The following GPR137C variants were observed in gnomAD, a reference collection of about 807,000 sequenced individuals.
GPR137C encodes the protein integral membrane protein GPR137C.
GPR137C carries 27 observed loss-of-function variants against 43.4 expected under a neutral mutation model. The ratio of observed to expected loss-of-function variants is 0.62; its 90% CI spans 0.46 to 0.86. GPR137C has a LOEUF of 0.86. Among genes scored for constraint, GPR137C ranks in the 40% least tolerant of loss-of-function variants. The pLI, the probability that GPR137C is intolerant of heterozygous loss-of-function variation, is 0.00. For missense variants in GPR137C, 522 were observed against 534.6 expected (o/e 0.98, Z 0.23); for synonymous variants, 285 against 226.9 (o/e 1.26, Z -2.30).
intron 1 of GPR137C, among the ~76,000 whole-genome samples, chr14:52,555,643 T>G (rs1383157341): frequency 3.3e-5 from 5 of 152,216 alleles, no homozygotes; most frequent in Admixed American, 3.3e-4. Flanking sequence ...GTCTTCCTGT[T>G]AAATGTTTGT....
intron 1 of GPR137C, among the ~76,000 whole-genome samples, chr14:52,596,344 C>T (rs2038854878): frequency 6.6e-6 from 1 of 152,228 alleles, no homozygotes; most frequent in Non-Finnish European, 1.5e-5. Flanking sequence ...AGAATCACTG[C>T]TCTCTTCCGA....
chr14:52,577,508 G>A (rs1404645537), intron 1 of GPR137C, among the ~76,000 whole-genome samples: 11 of 96,534 alleles, frequency 1.1e-4, no homozygotes, highest in Non-Finnish European at 2.2e-4. Flanking sequence ...GCACGCGTGC[G>A]CGCGCGCGCA....
intron 1 of GPR137C, among the ~76,000 whole-genome samples, chr14:52,562,571 C>G (rs1480166850): frequency 6.6e-6 from 1 of 151,998 alleles, no homozygotes; most frequent in African/African-American, 2.4e-5. Flanking sequence ...CAGGCCTAGG[C>G]AATGTATCGA....
chr14:52,632,084 C>G, intron 3 of GPR137C, 76 bp from the exon 4 acceptor site: 1 of 934,254 alleles, frequency 1.1e-6, no homozygotes, highest in South Asian at 1.4e-5. Context: ...AAGAGGTGAC[C>G]ATATTGTATG....
chr14:52,621,640 GGTT>G (rs2039162440), intron 3 of GPR137C, among the ~76,000 whole-genome samples: 1 of 151,724 alleles, frequency 6.6e-6, no homozygotes, highest in African/African-American at 2.4e-5. Flanking sequence ...ATAAAGGAGA[GGTT>G]GTAAATGGAT....
At chr14:52,583,899 T>C (rs2038680393) in intron 1 of GPR137C, among the ~76,000 whole-genome samples, 2 of 152,086 alleles carry the variant, frequency 1.3e-5, no homozygotes, top group Non-Finnish European at 2.9e-5. Flanking sequence ...CCCAGTAGCA[T>C]GACCACACCT....
intron 1 of GPR137C, among the ~76,000 whole-genome samples, chr14:52,556,418 C>T (rs1186545105): frequency 1.4e-5 from 2 of 142,046 alleles, no homozygotes; most frequent in African/African-American, 5.3e-5. Context: ...GGTGTCTACA[C>T]TTGAATGGAA....
At chr14:52,560,089 A>G (rs1342477274) in intron 1 of GPR137C, among the ~76,000 whole-genome samples, 6 of 152,166 alleles carry the variant, frequency 3.9e-5, no homozygotes, top group Admixed American at 3.3e-4. Context: ...TCCAGGAGAT[A>G]GAGGCTGCAG....
chr14:52,590,413 C>T (rs906748669), intron 1 of GPR137C, among the ~76,000 whole-genome samples: 1 of 152,040 alleles, frequency 6.6e-6, no homozygotes, highest in African/African-American at 2.4e-5. Flanking sequence ...ATTTATTGTT[C>T]ATTTTTAAAA....
rs192105475 is a variant in GPR137C at position 52,573,701 on chromosome 14, A to G, written c.444+20110A>G. On this transcript the variant is annotated intron_variant, in intron 1 of 6. Coordinates refer to ENST00000321662, the MANE Select transcript of GPR137C (RefSeq NM_001099652.2). ...GACCAAAACACCAAAAGCAATGGCA[A>G]CAAAAGCCAAAGTTGACAAATGGGA... is the stretch of plus-strand genomic sequence containing the variant. 5.3e-5 allele frequency among the ~76,000 whole-genome samples: 8 copies of G among 152,376 alleles called. No individual in the cohort carries two copies. The East Asian group carries it at 1.3e-3, about 26-fold the overall frequency.
intron 3 of GPR137C, among the ~76,000 whole-genome samples, chr14:52,616,838 G>A (rs77085068): frequency 0.01 from 1,582 of 152,206 alleles, 23 homozygotes; most frequent in Admixed American, 0.037. Flanking sequence ...TTGAAGTTTT[G>A]TACCAAGACT....
chr14:52,562,395 T>C (rs2038299534), intron 1 of GPR137C, among the ~76,000 whole-genome samples: 1 of 152,208 alleles, frequency 6.6e-6, no homozygotes, highest in Admixed American at 6.5e-5. Flanking sequence ...TATTATTAAA[T>C]TTTAAATAAC....
At chr14:52,598,216 T>C in intron 1 of GPR137C, 56 bp from the exon 2 acceptor site, 2 of 616,018 alleles carry the variant, frequency 3.2e-6, no homozygotes, top group Admixed American at 3.5e-5. Context: ...TCAGAACATA[T>C]TTAAGAATTC....
chr14:52,610,481 A>T (rs1198948776), intron 3 of GPR137C, among the ~76,000 whole-genome samples: 1 of 152,260 alleles, frequency 6.6e-6, no homozygotes, highest in Non-Finnish European at 1.5e-5. Context: ...CATACCTTTT[A>T]TTACAGCATT....
In GPR137C at chr14:52,569,225, CAGAA is replaced by C. The variant is rs200786310; in HGVS notation, c.444+15637_444+15640del. 4.9e-3 allele frequency among the ~76,000 whole-genome samples: 740 copies of C among 152,250 alleles called. 14 individuals carry two copies. Among genetic ancestry groups the C allele is most frequent in the Admixed American group, 0.039 (597 of 15,278 alleles). ...GACTGTTAGAAGGAAAACTAACAAA[CAGAA>C]AGGAATGGCATCAACATCAACAAAA... On this transcript the variant is annotated intron_variant, in intron 1 of 6. Transcript: ENST00000321662.
At chr14:52,619,181 CTT>C (rs2039132202) in intron 3 of GPR137C, among the ~76,000 whole-genome samples, 1 of 152,114 alleles carries the variant, frequency 6.6e-6, no homozygotes, top group African/African-American at 2.4e-5. Context: ...TCAAATATTT[CTT>C]ATCTTTCATA....
At chr14:52,603,805 C>T (rs983176429) in intron 3 of GPR137C, among the ~76,000 whole-genome samples, 3 of 152,300 alleles carry the variant, frequency 2.0e-5, no homozygotes, top group African/African-American at 4.8e-5. Context: ...TCCCAAAGTG[C>T]TGGGATTACA....
chr14:52,562,674 A>C (rs1418300410), intron 1 of GPR137C, among the ~76,000 whole-genome samples: 1 of 152,230 alleles, frequency 6.6e-6, no homozygotes, highest in East Asian at 1.9e-4. Context: ...TGGGTAAAGG[A>C]AGAAATTCCA....
intron 1 of GPR137C, 85 bp from the exon 2 acceptor site, chr14:52,598,187 A>G (rs2038879348): frequency 3.9e-6 from 2 of 514,544 alleles, no homozygotes; most frequent in African/African-American, 2.0e-5. Context: ...TTATAGTGGT[A>G]GCACTTTAAA....
Sources: allele counts gnomAD v4.1 joint callset (sites outside exome capture counted in the v4.1 genomes callset), GRCh38; gene constraint gnomAD v4.1.1; transcripts MANE v1.5; gene names NCBI Gene and HGNC (gene_info 2026-07-23, HGNC 2026-07-21).